The following SKAP1 variants were observed in gnomAD, a reference collection of about 807,000 sequenced individuals.
SKAP1 encodes src kinase-associated phosphoprotein 1.
Under a neutral mutation model 58.5 loss-of-function variants are expected in SKAP1, and 44 were observed. The observed-to-expected ratio is 0.75, with a 90% CI of 0.59 to 0.97. The LOEUF (loss-of-function observed/expected upper bound fraction) is 0.97. Among genes scored for constraint, SKAP1 ranks in the 50% least tolerant of loss-of-function variants. The pLI is 0.00. For synonymous variants in SKAP1, 127 were observed against 149.7 expected, an observed-to-expected ratio of 0.85 and a Z score of 1.11; for missense variants, 390 against 435.2, an observed-to-expected ratio of 0.90 and a Z score of 0.92.
chr17:48,395,059 C>A (rs542547738), intron 2 of SKAP1, among the ~76,000 whole-genome samples: 1 of 152,174 alleles, frequency 6.6e-6, no homozygotes, highest in Non-Finnish European at 1.5e-5. Flanking sequence ...GTCTACCCCA[C>A]AAACCACACA....
chr17:48,359,050 T>C (rs2144380005), intron 3 of SKAP1, among the ~76,000 whole-genome samples: 1 of 152,280 alleles, frequency 6.6e-6, no homozygotes, highest in East Asian at 1.9e-4. Context: ...AAGCAATATA[T>C]GCATTAATAT....
At chr17:48,361,033 T>C (rs1472091826) in intron 3 of SKAP1, among the ~76,000 whole-genome samples, 2 of 151,918 alleles carry the variant, frequency 1.3e-5, no homozygotes, top group Admixed American at 6.6e-5. Context: ...TGAAACGTTC[T>C]GAAATTAGAT....
intron 4 of SKAP1, among the ~76,000 whole-genome samples, chr17:48,317,909 AGTT>A (rs1777502040): frequency 6.6e-6 from 1 of 152,218 alleles, no homozygotes; most frequent in Non-Finnish European, 1.5e-5. Flanking sequence ...AATAAAATGG[AGTT>A]AAATCAAGAA....
chr17:48,383,413 C>T (rs376879547), intron 2 of SKAP1, among the ~76,000 whole-genome samples: 3 of 151,916 alleles, frequency 2.0e-5, no homozygotes, highest in Non-Finnish European at 2.9e-5. Context: ...GATACCTCAT[C>T]TAATGAAGGC....
At chr17:48,138,352 G>C (rs192045870) in intron 11 of SKAP1, among the ~76,000 whole-genome samples, 8 of 151,100 alleles carry the variant, frequency 5.3e-5, no homozygotes, top group African/African-American at 1.9e-4. Context: ...TTACAGGTGC[G>C]TGCCATCACA....
At chr17:48,237,378 G>A (rs2065193293) in intron 4 of SKAP1, among the ~76,000 whole-genome samples, 1 of 152,146 alleles carries the variant, frequency 6.6e-6, no homozygotes, top group African/African-American at 2.4e-5. Context: ...AGGTGGTAGT[G>A]ATCTTAAAAA....
intron 2 of SKAP1, among the ~76,000 whole-genome samples, chr17:48,372,849 T>C (rs2067103862): frequency 6.6e-6 from 1 of 152,182 alleles, no homozygotes; most frequent in African/African-American, 2.4e-5. Context: ...ATTCTCACTA[T>C]GTTGCCCAGA....
At chr17:48,326,283 A>G (rs2066435911) in intron 4 of SKAP1, among the ~76,000 whole-genome samples, 1 of 152,218 alleles carries the variant, frequency 6.6e-6, no homozygotes, top group Non-Finnish European at 1.5e-5. Flanking sequence ...AGACTAATTA[A>G]AACTTCTGTC....
chr17:48,286,347 G>C (rs1208008924), intron 4 of SKAP1, among the ~76,000 whole-genome samples: 1 of 152,072 alleles, frequency 6.6e-6, no homozygotes, highest in Non-Finnish European at 1.5e-5. Context: ...TTCAGTGAGA[G>C]GTATTGTGCA....
chr17:48,246,103 T>G (rs1339510610), intron 4 of SKAP1, among the ~76,000 whole-genome samples: 15 of 152,236 alleles, frequency 9.9e-5, no homozygotes, highest in Admixed American at 9.8e-4. Context: ...CCTGGCACAT[T>G]GTAGGGGCTC....
In SKAP1 at chr17:48,346,040, T is replaced by G. The variant is rs181758088; in HGVS notation, c.179-34A>C. 6.1e-4 allele frequency: 792 copies of G among 1,299,624 alleles called. 6 individuals carry two copies. In the African/African-American group the frequency reaches 0.01, roughly 17 times the overall value. 80.5% of individuals were successfully genotyped at this position (1,299,624 alleles called of 1,614,324 possible). Reference sequence around the variant, plus strand: ...CAAAAAAGACAGAAAATAAGGTTAATCTTTGGGCATCCTTATAAAAGGATA... The same window carrying G: ...CAAAAAAGACAGAAAATAAGGTTAAGCTTTGGGCATCCTTATAAAAGGATA... On this transcript the variant is annotated intron_variant, in intron 3 of 12. Transcript: ENST00000336915.
intron 4 of SKAP1, among the ~76,000 whole-genome samples, chr17:48,319,469 A>G (rs7206951): frequency 0.21 from 32,193 of 152,192 alleles, 3,420 homozygotes; most frequent in Admixed American, 0.22. Flanking sequence ...TATTTTCTCC[A>G]TCAGAGTATT....
chr17:48,201,845 T>C lies in SKAP1; in HGVS notation c.281-12345A>G, dbSNP rs79068069. Among the ~76,000 whole-genome samples the C allele has an allele frequency of 9.1e-4, 138 of 152,348 alleles. No individual in the cohort carries two copies. The East Asian group carries it at 0.024, about 27-fold the overall frequency. On this transcript the variant is annotated intron_variant, in intron 4 of 12. Coordinates refer to ENST00000336915, the MANE Select transcript of SKAP1 (RefSeq NM_003726.4). ...TGCCAAATGAATAACTGATTACTCT[T>C]TAGGAAATAGCTATTGATAGCAACT...
chr17:48,217,751 C>T (rs1205970389), intron 4 of SKAP1, among the ~76,000 whole-genome samples: 1 of 152,118 alleles, frequency 6.6e-6, no homozygotes, highest in Non-Finnish European at 1.5e-5. Flanking sequence ...TTTAACAGCT[C>T]AAACTACCTT....
intron 9 of SKAP1, 132 bp downstream of exon 9, chr17:48,179,922 G>A (rs760477121): frequency 4.5e-5 from 36 of 801,100 alleles, no homozygotes; most frequent in East Asian, 5.1e-5. Context: ...CTCATAAAGC[G>A]TCCCACATTA....
Position 48,412,684 on chromosome 17 carries a change from T to A in SKAP1, c.47-15899A>T, listed in dbSNP as rs879500866. On this transcript the variant is annotated intron_variant, in intron 1 of 12. Coordinates refer to ENST00000336915, the MANE Select transcript of SKAP1 (RefSeq NM_003726.4). The stretch of plus-strand genomic sequence containing the variant: ...CTTACTAAATTCATTTTCCTCCAGC[T>A]TTCTTGAGTAATAACTGACAAATAT... 3.9e-5 allele frequency among the ~76,000 whole-genome samples: 6 copies of A among 152,308 alleles called. No individual in the cohort carries two copies. In the South Asian group the frequency reaches 1.0e-3, roughly 26 times the overall value.
At chr17:48,180,298 A>G in intron 8 of SKAP1, 50 bp from the exon 9 acceptor site, 2 of 1,381,122 alleles carry the variant, frequency 1.4e-6, no homozygotes, top group South Asian at 3.0e-5. Flanking sequence ...AAAAGAAAAT[A>G]AGACAGGAAA....
chr17:48,234,643 T>C (rs1301991903), intron 4 of SKAP1, among the ~76,000 whole-genome samples: 1 of 152,186 alleles, frequency 6.6e-6, no homozygotes, highest in Non-Finnish European at 1.5e-5. Context: ...GCATCTGTTA[T>C]ATGTCAGGTA....
chr17:48,429,452 C>T (rs570529970), intron 1 of SKAP1, among the ~76,000 whole-genome samples: 3 of 152,282 alleles, frequency 2.0e-5, no homozygotes, highest in African/African-American at 7.2e-5. Context: ...GGTGAACACA[C>T]CACAATGGGG....
Sources: allele counts gnomAD v4.1 joint callset (sites outside exome capture counted in the v4.1 genomes callset), GRCh38; gene constraint gnomAD v4.1.1; transcripts MANE v1.5; gene names NCBI Gene and HGNC (gene_info 2026-07-23, HGNC 2026-07-21).